TMEM132B: variants seen among roughly 807,000 people sequenced by gnomAD.
The protein encoded by TMEM132B is transmembrane protein 132B.
A neutral mutation model predicts 90.8 loss-of-function variants in TMEM132B; 18 were observed. The observed-to-expected ratio is 0.20, with a 90% confidence interval of 0.14 to 0.29. The LOEUF is 0.29. TMEM132B is among the 10% of genes least tolerant of loss of function. The probability of loss-of-function intolerance (pLI) is 1.00; values close to 1 mark genes in which losing one functional copy is unlikely to be tolerated. For synonymous variants in TMEM132B, 504 were observed against 523.3 expected, an observed-to-expected ratio of 0.96 and a Z score of 0.50; for missense variants, 1,096 against 1,326.8, an observed-to-expected ratio of 0.83 and a Z score of 2.70.
chr12:125,576,909 G>A (rs141184897), intron 4 of TMEM132B, among the ~76,000 whole-genome samples: 2,139 of 150,770 alleles, frequency 0.014, 16 homozygotes, highest in Non-Finnish European at 0.023. Context: ...GGGTGGGGTT[G>A]GCATCTATAA....
intron 7 of TMEM132B, among the ~76,000 whole-genome samples, chr12:125,651,801 G>A (rs1487223900): frequency 3.9e-5 from 6 of 152,312 alleles, no homozygotes; most frequent in Non-Finnish European, 8.8e-5. Context: ...CCTTCAGGCT[G>A]TTGGCAGAAC....
intron 1 of TMEM132B, among the ~76,000 whole-genome samples, chr12:125,294,973 A>C: frequency 6.6e-6 from 1 of 152,248 alleles, no homozygotes; most frequent in East Asian, 1.9e-4. Context: ...GGAAGCATGT[A>C]CAACCTTAAC....
chr12:125,304,499 GA>G (rs1281185926), intron 1 of TMEM132B, among the ~76,000 whole-genome samples: 2 of 152,046 alleles, frequency 1.3e-5, no homozygotes, highest in African/African-American at 4.8e-5. Context: ...GAAAGATCAT[GA>G]AGATTTTGCC....
At chr12:125,264,242 G>A (rs1040083420) in intron 1 of TMEM132B, among the ~76,000 whole-genome samples, 1 of 152,100 alleles carries the variant, frequency 6.6e-6, no homozygotes, top group African/African-American at 2.4e-5. Flanking sequence ...CCTCTGATAA[G>A]TGCCTATGAG....
At chr12:125,567,598 A>G (rs778403348) in intron 4 of TMEM132B, among the ~76,000 whole-genome samples, 9 of 152,264 alleles carry the variant, frequency 5.9e-5, no homozygotes, top group Non-Finnish European at 8.8e-5. Flanking sequence ...AGGCTTATTC[A>G]TATTTAAATA....
At position 125,332,583 on chromosome 12, in the gene TMEM132B, C is replaced by CTT. The variant is rs201828438; in HGVS notation, c.68-16835_68-16834dup. 5.8e-3 allele frequency among the ~76,000 whole-genome samples: 305 copies of CTT among 52,416 alleles called. 40 individuals are homozygous for CTT. The highest frequency in any genetic ancestry group is 9.0e-3 in the Non-Finnish European group (251 of 27,774). 34.4% of individuals were successfully genotyped at this position (52,416 alleles called of 152,430 possible). On this transcript the variant is annotated intron_variant, in intron 1 of 8. Transcript: ENST00000682704. ...CTGAGAAATTAATTCAGAGAGTTGG[C>CTT]TTTTTTTTTTTTTTTTTTTTTTTTT... is the stretch of plus-strand genomic sequence containing the variant.
intron 4 of TMEM132B, among the ~76,000 whole-genome samples, chr12:125,573,834 A>G (rs1319171055): frequency 6.6e-6 from 1 of 152,242 alleles, no homozygotes; most frequent in African/African-American, 2.4e-5. Flanking sequence ...TGTGTGCTCA[A>G]AAAGAGTGCT....
Position 125,350,080 on chromosome 12 carries a change from T to C in TMEM132B, c.696T>C (p.Ala232=), listed in dbSNP as rs1877508590. ...TCACGCTCTACCCAGCTGACAAGGCTGGCCAGTGTCCTCTGGAGGAGGAAG... is the reference window on the plus strand; with the variant it reads ...TCACGCTCTACCCAGCTGACAAGGCCGGCCAGTGTCCTCTGGAGGAGGAAG... ...LFFTLYPADK[A]GQCPLEEEGK... The change falls in exon 2 of 9, where the codon GCT becomes GCC. Residue 232 remains alanine (A), a synonymous_variant. Coordinates refer to ENST00000682704, the MANE Select transcript of TMEM132B (RefSeq NM_001366854.1). 2 of 1,614,096 alleles carry C rather than the reference T, an allele frequency of 1.2e-6. No homozygotes were observed. Among genetic ancestry groups the C allele is most frequent in the Non-Finnish European group, 1.7e-6 (2 of 1,180,036 alleles).
At chr12:125,483,579 G>A (rs1208588002) in intron 3 of TMEM132B, among the ~76,000 whole-genome samples, 3 of 152,188 alleles carry the variant, frequency 2.0e-5, no homozygotes, top group Admixed American at 6.5e-5. Flanking sequence ...TGAACTTTTT[G>A]TCTTCAACTA....
chr12:125,348,746 G>T (rs545371809), intron 1 of TMEM132B, among the ~76,000 whole-genome samples: 1 of 152,318 alleles, frequency 6.6e-6, no homozygotes, highest in Admixed American at 6.5e-5. Context: ...TAAGTAACTT[G>T]GTGAAGGTTG....
At chr12:125,583,713 G>C (rs1489465606) in intron 4 of TMEM132B, 138 bp from the exon 5 acceptor site, 23 of 1,019,460 alleles carry the variant, frequency 2.3e-5, no homozygotes, top group Non-Finnish European at 3.1e-5. Context: ...TGTGAGCTTT[G>C]TGGCTTTGTC....
chr12:125,347,509 C>T (rs1221653350), intron 1 of TMEM132B, among the ~76,000 whole-genome samples: 1 of 152,164 alleles, frequency 6.6e-6, no homozygotes, highest in Non-Finnish European at 1.5e-5. Flanking sequence ...CAGCCCCAAA[C>T]AGGCCAAAAA....
chr12:125,621,116 A>T (rs551395272), intron 5 of TMEM132B, among the ~76,000 whole-genome samples: 1 of 152,234 alleles, frequency 6.6e-6, no homozygotes, highest in South Asian at 2.1e-4. Flanking sequence ...TGCCAGAGAC[A>T]CATAGATAAT....
At chr12:125,453,990 A>G (rs908879190) in intron 3 of TMEM132B, among the ~76,000 whole-genome samples, 7 of 152,094 alleles carry the variant, frequency 4.6e-5, no homozygotes, top group Non-Finnish European at 1.0e-4. Context: ...AACAGAAGAC[A>G]TCTCTTGTCC....
At chr12:125,542,082 C>T (rs1047416854) in intron 4 of TMEM132B, among the ~76,000 whole-genome samples, 2 of 147,332 alleles carry the variant, frequency 1.4e-5, no homozygotes, top group Admixed American at 1.4e-4. Context: ...TCAAAGTGGA[C>T]CTCACCAAAG....
chr12:125,657,186 C>A lies in TMEM132B; in HGVS notation c.*2476C>A, dbSNP rs1181309323. On this transcript the variant is annotated 3_prime_UTR_variant, in exon 9 of 9. Transcript: ENST00000682704. ...GTGACAACTTAGAGTCACTGGGAGTCACACAGCTCCTGTGTAGCCGCCTTT... is the reference window on the plus strand; with the variant it reads ...GTGACAACTTAGAGTCACTGGGAGTAACACAGCTCCTGTGTAGCCGCCTTT... 6.6e-6 allele frequency: 1 copy of A among 152,204 alleles called. No individual in the cohort carries two copies. The highest frequency in any genetic ancestry group is 2.4e-5 in the African/African-American group (1 of 41,442). 9.4% of individuals were successfully genotyped at this position (152,204 alleles called of 1,614,324 possible). A position where few individuals can be genotyped will look rare whatever the true frequency, so the allele number is the denominator to read the frequency against.
intron 3 of TMEM132B, among the ~76,000 whole-genome samples, chr12:125,462,005 G>A (rs1239106322): frequency 6.6e-6 from 1 of 152,194 alleles, no homozygotes; most frequent in Non-Finnish European, 1.5e-5. Context: ...GCTCATATTT[G>A]AACCAGTCAC....
At position 125,230,625 on chromosome 12, in the gene TMEM132B, C is replaced by T. The variant is rs544717034; in HGVS notation, c.67+43759C>T. ...CCTCCTGAGTAGCTGGGACTACAGGCGCCTGCCACCACGCCCGTCTAATTT... is the reference window on the plus strand; with the variant it reads ...CCTCCTGAGTAGCTGGGACTACAGGTGCCTGCCACCACGCCCGTCTAATTT... On this transcript the variant is annotated intron_variant, in intron 1 of 8. Transcript: ENST00000682704. 5.3e-4 allele frequency among the ~76,000 whole-genome samples: 80 copies of T among 151,662 alleles called. No individual in the cohort carries two copies. The East Asian group carries it at 8.3e-3, about 16-fold the overall frequency.
In TMEM132B at chr12:125,505,174, A is replaced by ACAAGCAAACAAAC. The variant is rs1274698889; in HGVS notation, c.1107-14265_1107-14264insCAAGCAAACAAAC. Among the ~76,000 whole-genome samples, 1,023 of 130,650 alleles carry ACAAGCAAACAAAC rather than the reference A, an allele frequency of 7.8e-3. 19 individuals carry two copies. Among genetic ancestry groups the ACAAGCAAACAAAC allele is most frequent in the African/African-American group, 0.032 (958 of 29,904 alleles). The allele number at this position is 130,650 out of a possible 152,430, so 85.7% of individuals were successfully genotyped here. A position where few individuals can be genotyped will look rare whatever the true frequency, so the allele number is the denominator to read the frequency against. On this transcript the variant is annotated intron_variant, in intron 3 of 8. Coordinates refer to ENST00000682704, the MANE Select transcript of TMEM132B (RefSeq NM_001366854.1). Reference sequence around the variant, plus strand: ...ACTCACACACCAGAGGACAAAAAAAAAAAAAAAAAAAAAAAAAAAAACAGT... The same window carrying ACAAGCAAACAAAC: ...ACTCACACACCAGAGGACAAAAAAAACAAGCAAACAAACAAAAAAAAAAAAAAAAAAAAACAGT...
Sources: gnomAD v4.1 joint callset for allele counts (sites outside exome capture counted in the v4.1 genomes callset) on GRCh38, gnomAD v4.1.1 for gene constraint, MANE v1.5 for transcripts, NCBI Gene and HGNC (gene_info 2026-07-23, HGNC 2026-07-21) for gene names.